The following ASPRV1 variants were observed in gnomAD, a reference collection of about 807,000 sequenced individuals.
ASPRV1 encodes the protein retroviral-like aspartic protease 1.
Under a neutral mutation model 11.0 loss-of-function variants are expected in ASPRV1, and 7 were observed. The observed-to-expected ratio is 0.64, with a 90% CI of 0.36 to 1.20. The LOEUF (loss-of-function observed/expected upper bound fraction) is 1.20. Ranked by LOEUF, ASPRV1 falls within the 50% of genes most tolerant of loss-of-function variation. ASPRV1 has a pLI of 0.02. For synonymous variants in ASPRV1, 136 were observed against 138.4 expected (o/e 0.98, Z 0.12); for missense variants, 299 against 320.0 (o/e 0.93, Z 0.50).
the ASPRV1 span, among the ~76,000 whole-genome samples, chr2:69,951,512 GATCT>G: frequency 7.7e-6 from 1 of 130,262 alleles, no homozygotes; most frequent in African/African-American, 2.9e-5. Flanking sequence ...TATATATATA[GATCT>G]ATACACACAC....
At chr2:69,963,299 G>C, upstream of ASPRV1, 1 of 456,648 alleles carries the variant, frequency 2.2e-6, no homozygotes, top group Admixed American at 2.3e-5. Context: ...AGAGCAGGTG[G>C]TTCTTTGAGA....
the ASPRV1 span, among the ~76,000 whole-genome samples, chr2:70,043,091 C>T: frequency 5.3e-5 from 8 of 152,196 alleles, no homozygotes; most frequent in Middle Eastern, 0.014. Flanking sequence ...TTAGAGAACA[C>T]TGGTGAATGA....
the ASPRV1 span, among the ~76,000 whole-genome samples, chr2:70,024,236 TTGAC>T: frequency 3.9e-5 from 6 of 152,180 alleles, no homozygotes; most frequent in South Asian, 6.2e-4. Flanking sequence ...ATTACCAAAA[TTGAC>T]TGGATGAGAA....
chr2:69,967,835 C>T, the ASPRV1 span, among the ~76,000 whole-genome samples: 4 of 152,206 alleles, frequency 2.6e-5, no homozygotes, highest in Non-Finnish European at 5.9e-5. Context: ...AATCCCAACA[C>T]TTTGGGAGGC....
At chr2:69,958,895 C>T (rs928239744), downstream of ASPRV1, among the ~76,000 whole-genome samples, 1 of 152,206 alleles carries the variant, frequency 6.6e-6, no homozygotes, top group African/African-American at 2.4e-5. Context: ...TAGATTTCCT[C>T]CTGATCCCAC....
the ASPRV1 span, chr2:69,968,406 C>G: frequency 6.6e-6 from 1 of 152,018 alleles, no homozygotes; most frequent in African/African-American, 2.4e-5. Flanking sequence ...TGCCTGTAGT[C>G]CCAGCTACTT....
the ASPRV1 span, among the ~76,000 whole-genome samples, chr2:70,076,795 T>C: frequency 6.6e-6 from 1 of 152,250 alleles, no homozygotes. Flanking sequence ...TTTGCCTTCA[T>C]GACTGCACGG....
chr2:70,045,043 T>C, the ASPRV1 span, among the ~76,000 whole-genome samples: 1 of 152,200 alleles, frequency 6.6e-6, no homozygotes, highest in Non-Finnish European at 1.5e-5. Context: ...TTCCCACATA[T>C]GTTGCTGCAG....
the ASPRV1 span, among the ~76,000 whole-genome samples, chr2:70,026,878 A>AC: frequency 6.6e-6 from 1 of 152,078 alleles, no homozygotes; most frequent in East Asian, 1.9e-4. Context: ...ACCACAAAAG[A>AC]CCCCAAATAG....
At chr2:69,952,589 G>A in the ASPRV1 span, among the ~76,000 whole-genome samples, 1 of 151,310 alleles carries the variant, frequency 6.6e-6, no homozygotes, top group African/African-American at 2.4e-5. Flanking sequence ...GGGAAGGGAA[G>A]AAAAGAAAAG....
the ASPRV1 span, chr2:69,968,273 T>G: frequency 1.3e-5 from 2 of 152,018 alleles, no homozygotes; most frequent in African/African-American, 2.4e-5. Context: ...TGGCTCACAC[T>G]TGTAATTCCA....
At chr2:70,074,477 CAG>C in the ASPRV1 span, among the ~76,000 whole-genome samples, 2 of 151,534 alleles carry the variant, frequency 1.3e-5, no homozygotes, top group Non-Finnish European at 2.9e-5. Context: ...TTAGTAGAGA[CAG>C]AGTTTCACCA....
the ASPRV1 span, among the ~76,000 whole-genome samples, chr2:70,062,604 A>T: frequency 6.6e-6 from 1 of 152,214 alleles, no homozygotes; most frequent in South Asian, 2.1e-4. Context: ...ATGTAAAGCC[A>T]GAGTCAAGCT....
chr2:69,992,824 A>G, the ASPRV1 span, among the ~76,000 whole-genome samples: 3 of 152,192 alleles, frequency 2.0e-5, no homozygotes, highest in Non-Finnish European at 4.4e-5. Context: ...AGATTTGCAA[A>G]ATGTCAACAA....
chr2:69,966,955 C>CTCT, the ASPRV1 span, among the ~76,000 whole-genome samples: 31 of 152,140 alleles, frequency 2.0e-4, no homozygotes, highest in African/African-American at 7.5e-4. Context: ...GAGAGAGAAA[C>CTCT]GGAAAAACAG....
chr2:70,046,461 G>A, the ASPRV1 span: 1 of 152,196 alleles, frequency 6.6e-6, no homozygotes, highest in African/African-American at 2.4e-5. Flanking sequence ...CAGGATCACA[G>A]AAGCAGATTA....
At chr2:70,081,895 T>C in the ASPRV1 span, among the ~76,000 whole-genome samples, 1 of 151,782 alleles carries the variant, frequency 6.6e-6, no homozygotes, top group Non-Finnish European at 1.5e-5. Context: ...TACTATTACT[T>C]TAAATAAAAG....
At chr2:70,022,291 A>G in the ASPRV1 span, among the ~76,000 whole-genome samples, 1 of 149,582 alleles carries the variant, frequency 6.7e-6, no homozygotes, top group Non-Finnish European at 1.5e-5. Flanking sequence ...CTGGGATTAC[A>G]GGCATGAGCC....
the ASPRV1 span, chr2:70,046,615 G>C: frequency 6.6e-6 from 1 of 152,142 alleles, no homozygotes; most frequent in African/African-American, 2.4e-5. Flanking sequence ...AAGACCCTAG[G>C]AAGCCAAGGG....
Sources: gnomAD v4.1 joint callset for allele counts (sites outside exome capture counted in the v4.1 genomes callset) on GRCh38, gnomAD v4.1.1 for gene constraint, MANE v1.5 for transcripts, NCBI Gene and HGNC (gene_info 2026-07-23, HGNC 2026-07-21) for gene names.